The following ARSG variants were observed in gnomAD, a reference collection of about 807,000 sequenced individuals.
ARSG encodes the protein ASG.
Under a neutral mutation model 50.5 loss-of-function variants are expected in ARSG, and 37 were observed. The ratio of observed to expected loss-of-function variants is 0.73; its 90% confidence interval spans 0.56 to 0.96. The LOEUF is 0.96. Ranked by LOEUF, ARSG falls within the 50% of genes least tolerant of loss-of-function variation. ARSG has a pLI of 0.00. For missense variants in ARSG, 629 were observed against 675.3 expected (o/e 0.93, Z 0.76); for synonymous variants, 225 against 254.6 (o/e 0.88, Z 1.11).
chr17:68,303,508 G>A (rs1357409007), intron 1 of ARSG, among the ~76,000 whole-genome samples: 4 of 152,062 alleles, frequency 2.6e-5, no homozygotes, highest in African/African-American at 9.7e-5. Context: ...GAGTGCAGTG[G>A]CGCAATCTCA....
intron 9 of ARSG, 24 bp downstream of exon 9, chr17:68,385,196 G>A: frequency 6.2e-7 from 1 of 1,603,132 alleles, no homozygotes; most frequent in Non-Finnish European, 8.5e-7. Flanking sequence ...ACTACCTTGA[G>A]ATGTTGGGGC....
At chr17:68,310,375 G>C (rs1555766313) in intron 2 of ARSG, among the ~76,000 whole-genome samples, 1 of 152,144 alleles carries the variant, frequency 6.6e-6, no homozygotes, top group African/African-American at 2.4e-5. Context: ...TGGGAGATGT[G>C]ACTCACTTAT....
chr17:68,397,924 G>A (rs1016056213), intron 10 of ARSG, among the ~76,000 whole-genome samples: 5 of 152,074 alleles, frequency 3.3e-5, no homozygotes, highest in East Asian at 1.9e-4. Context: ...TCACCACCAC[G>A]CCTAGATAAT....
chr17:68,271,354 A>G lies in ARSG; in HGVS notation c.-552+11928A>G, dbSNP rs1212326503. 1 of 1,614,164 alleles carries G rather than the reference A, an allele frequency of 6.2e-7. No homozygotes were observed. Among genetic ancestry groups the G allele is most frequent in the African/African-American group, 1.3e-5 (1 of 74,950 alleles). On this transcript the variant is annotated intron_variant, in intron 1 of 11. Coordinates refer to the ARSG transcript ENST00000448504. The surrounding 1 kb of genome is among the most constrained non-coding windows in gnomAD (Gnocchi z 5.3). ...GCTTGGCCTGGGGCTGGTCTTCACC[A>G]GGACCTGCTGCATGTCGGCCTTCGG...
rs2080635503 is a variant in ARSG, at chr17:68,385,061, CA to C, written c.983-2del. On this transcript the variant is annotated splice_acceptor_variant, in intron 8 of 11. Transcript: ENST00000621439. LOFTEE classifies it high-confidence loss of function. The stretch of plus-strand genomic sequence containing the variant: ...GAACCAGCTGCCTCCCCTCCTCTCA[CA>C]GGGGGAAGTCCAGCCAAGCAGACGA... 1 of 1,612,858 alleles carries C rather than the reference CA, an allele frequency of 6.2e-7. No homozygotes were observed. The highest frequency in any genetic ancestry group is 1.3e-5 in the African/African-American group (1 of 74,874).
intron 2 of ARSG, among the ~76,000 whole-genome samples, chr17:68,325,409 A>G (rs1443146116): frequency 6.6e-6 from 1 of 152,122 alleles, no homozygotes; most frequent in African/African-American, 2.4e-5. Flanking sequence ...TAATTATTTC[A>G]TTATATATTA....
At chr17:68,293,191 TA>T (rs1172512709) in intron 1 of ARSG, among the ~76,000 whole-genome samples, 2 of 152,242 alleles carry the variant, frequency 1.3e-5, no homozygotes, top group African/African-American at 4.8e-5. Flanking sequence ...GGGCTGCCTG[TA>T]AGATAATCTT....
chr17:68,262,425 T>TG (rs2075087772), intron 1 of ARSG, among the ~76,000 whole-genome samples: 1 of 151,916 alleles, frequency 6.6e-6, no homozygotes, highest in South Asian at 2.1e-4. Context: ...GAGCCAAGAT[T>TG]GCACCACTGC....
intron 2 of ARSG, among the ~76,000 whole-genome samples, chr17:68,317,788 C>G (rs1487359293): frequency 6.6e-6 from 1 of 152,108 alleles, no homozygotes; most frequent in Non-Finnish European, 1.5e-5. Flanking sequence ...ACTTAGTAAT[C>G]AACTAAAACT....
chr17:68,365,457 A>G (rs1176500726), intron 6 of ARSG, among the ~76,000 whole-genome samples: 1 of 152,232 alleles, frequency 6.6e-6, no homozygotes, highest in Non-Finnish European at 1.5e-5. Context: ...ACAGTCATGA[A>G]ATAACAAATC....
At chr17:68,403,559 G>T (rs892425050) in intron 11 of ARSG, among the ~76,000 whole-genome samples, 20 of 152,178 alleles carry the variant, frequency 1.3e-4, no homozygotes, top group Middle Eastern at 3.2e-3. Context: ...TAAGCTAGAT[G>T]AATTGACATC....
intron 1 of ARSG, among the ~76,000 whole-genome samples, chr17:68,276,349 G>A (rs1555750912): frequency 6.6e-6 from 1 of 152,204 alleles, no homozygotes. Context: ...TACATTTAAA[G>A]AAGGGCTTTA....
chr17:68,423,352 T>C (rs562548006), downstream of ARSG, among the ~76,000 whole-genome samples: 9 of 152,286 alleles, frequency 5.9e-5, no homozygotes, highest in African/African-American at 2.2e-4. The surrounding 1 kb of genome is among the most constrained non-coding windows in gnomAD (Gnocchi z 4.4). Flanking sequence ...GGTCCTTACA[T>C]GGTGAGATGG....
At chr17:68,346,762 G>C in intron 3 of ARSG, 1 of 1,297,352 alleles carries the variant, frequency 7.7e-7, no homozygotes, top group African/African-American at 1.5e-5. Context: ...GGGCCTCCTG[G>C]TGCCTTTGCA....
chr17:68,268,103 G>T (rs2075211522), intron 1 of ARSG: 1 of 152,076 alleles, frequency 6.6e-6, no homozygotes, highest in African/African-American at 2.4e-5. Context: ...TCAAATGGAA[G>T]AATCATGACA....
downstream of ARSG, chr17:68,427,088 G>A: frequency 6.7e-7 from 1 of 1,484,822 alleles, no homozygotes; most frequent in East Asian, 2.3e-5. Context: ...GAAGGGGAGG[G>A]AGGTCACTGT....
At chr17:68,418,565 TA>T (rs2082539314) in intron 11 of ARSG, among the ~76,000 whole-genome samples, 1 of 152,360 alleles carries the variant, frequency 6.6e-6, no homozygotes. Flanking sequence ...TTTCAAATTT[TA>T]TTTCTGGCCA....
intron 2 of ARSG, among the ~76,000 whole-genome samples, chr17:68,316,073 C>T (rs954881497): frequency 6.6e-6 from 1 of 152,218 alleles, no homozygotes; most frequent in Non-Finnish European, 1.5e-5. Context: ...CTCCAACCCT[C>T]TCCTCATGTT....
intron 2 of ARSG, among the ~76,000 whole-genome samples, chr17:68,333,812 C>G (rs2077894560): frequency 6.6e-6 from 1 of 152,022 alleles, no homozygotes; most frequent in South Asian, 2.1e-4. Flanking sequence ...TGAGCAATAG[C>G]TAGAACTCGA....
Sources: gnomAD v4.1 joint callset for allele counts (sites outside exome capture counted in the v4.1 genomes callset) on GRCh38, gnomAD v4.1.1 for gene constraint, Gnocchi (gnomAD v3.1) non-coding constraint, MANE v1.5 for transcripts, NCBI Gene and HGNC (gene_info 2026-07-23, HGNC 2026-07-21) for gene names.